DNAH5: variants seen among roughly 807,000 people sequenced by gnomAD.
DNAH5 encodes axonemal beta dynein heavy chain 5.
DNAH5 carries 372 observed loss-of-function variants against 518.2 expected under a neutral mutation model. The observed-to-expected ratio is 0.72, with a 90% CI of 0.66 to 0.78. The LOEUF (loss-of-function observed/expected upper bound fraction) is 0.78, where lower values mean the gene tolerates loss of function less well. Ranked by LOEUF, DNAH5 falls within the 30% of genes least tolerant of loss-of-function variation. DNAH5 has a pLI of 0.00. For synonymous variants in DNAH5, 2,039 were observed against 2,025.9 expected, an observed-to-expected ratio of 1.01 and a Z score of -0.17; for missense variants, 5,523 against 5,687.0, an observed-to-expected ratio of 0.97 and a Z score of 0.93.
intron 65 of DNAH5, among the ~76,000 whole-genome samples, chr5:13,741,886 C>T (rs1024426866): frequency 1.3e-5 from 2 of 152,122 alleles, no homozygotes; most frequent in African/African-American, 4.8e-5. Flanking sequence ...TCAGTATTTT[C>T]ATCCACAAAA....
At chr5:13,787,287 A>G (rs1406756011) in intron 51 of DNAH5, among the ~76,000 whole-genome samples, 1 of 152,136 alleles carries the variant, frequency 6.6e-6, no homozygotes, top group East Asian at 1.9e-4. Context: ...AGTAATAGGG[A>G]AAAAAGGGAC....
At chr5:13,833,318 A>T (rs2151843612) in intron 35 of DNAH5, among the ~76,000 whole-genome samples, 1 of 152,068 alleles carries the variant, frequency 6.6e-6, no homozygotes, top group East Asian at 1.9e-4. Flanking sequence ...ACACGCCTGT[A>T]ATCCAAGCTA....
intron 1 of DNAH5, among the ~76,000 whole-genome samples, chr5:13,981,283 T>A (rs567260465): frequency 2.6e-5 from 4 of 152,204 alleles, no homozygotes; most frequent in Non-Finnish European, 5.9e-5. Flanking sequence ...AGGAAACACA[T>A]TTCTGAAGAA....
chr5:13,885,235 C>G lies in DNAH5; in HGVS notation c.2744-7G>C, dbSNP rs752084447. 11 of 1,613,648 alleles carry G rather than the reference C, an allele frequency of 6.8e-6. No individual in the cohort carries two copies. Among genetic ancestry groups the G allele is most frequent in the Non-Finnish European group, 1.7e-6 (2 of 1,179,900 alleles). On this transcript the variant is annotated splice_polypyrimidine_tract_variant and splice_region_variant and intron_variant, in intron 18 of 78. Coordinates refer to ENST00000265104, the MANE Select transcript of DNAH5 (RefSeq NM_001369.3). ...TTTCCTTCTTCTCTTTTTGCTGTTA[C>G]AAGATGAAAGAGATAGAGATAGAGA...
At chr5:13,735,999 T>C (rs1747352119) in intron 66 of DNAH5, 67 bp from the exon 67 acceptor site, 2 of 1,307,874 alleles carry the variant, frequency 1.5e-6, no homozygotes, top group Admixed American at 1.7e-5. Context: ...TGCAAAGAGA[T>C]CAGCCTAAAC....
chr5:13,836,272 T>C (rs1200657491), intron 35 of DNAH5, among the ~76,000 whole-genome samples: 2 of 152,004 alleles, frequency 1.3e-5, no homozygotes, highest in African/African-American at 4.8e-5. Context: ...CATAGGCAAA[T>C]AGGTATGTGT....
intron 8 of DNAH5, 32 bp from the exon 9 acceptor site, chr5:13,916,487 A>G (rs747476238): frequency 3.1e-6 from 4 of 1,285,832 alleles, no homozygotes; most frequent in Middle Eastern, 2.3e-4. Flanking sequence ...TTCAGAAAAA[A>G]TCATCAAATT....
intron 21 of DNAH5, among the ~76,000 whole-genome samples, chr5:13,880,702 G>C (rs1176020503): frequency 6.7e-6 from 1 of 148,492 alleles, no homozygotes; most frequent in Non-Finnish European, 1.5e-5. Flanking sequence ...ATACATAAAA[G>C]AAAAAAAAAG....
intron 12 of DNAH5, among the ~76,000 whole-genome samples, chr5:13,905,169 T>C (rs984472139): frequency 6.6e-6 from 1 of 152,166 alleles, no homozygotes; most frequent in Non-Finnish European, 1.5e-5. Context: ...ATACACAGAT[T>C]TTTAGAAACC....
rs1176435307 is a variant in DNAH5, at chr5:13,751,148, A to G, written c.11141T>C (p.Ile3714Thr). 5.6e-6 allele frequency: 9 copies of G among 1,613,898 alleles called. No individual in the cohort carries two copies. Among genetic ancestry groups the G allele is most frequent in the South Asian group, 3.3e-5 (3 of 91,092 alleles). ...ACCTTTCATGGTGACAGTGAAGTCA[A>G]TGATGGAGGTACGGGCACTTATCTC... is the stretch of plus-strand genomic sequence containing the variant. ...TPEISARTSI[I>T]DFTVTMKGLE... The change falls in exon 65 of 79, where the codon ATT becomes ACT. Residue 3714 changes from isoleucine (I) to threonine (T), a missense_variant. Coordinates refer to ENST00000265104, the MANE Select transcript of DNAH5 (RefSeq NM_001369.3).
chr5:13,865,142 G>A (rs1215322518), intron 27 of DNAH5, among the ~76,000 whole-genome samples: 1 of 151,064 alleles, frequency 6.6e-6, no homozygotes, highest in Admixed American at 6.6e-5. Context: ...TTACAGGTAC[G>A]TGCCGCCATG....
At chr5:13,887,294 C>T (rs1772567316) in intron 17 of DNAH5, among the ~76,000 whole-genome samples, 1 of 152,134 alleles carries the variant, frequency 6.6e-6, no homozygotes, top group Admixed American at 6.5e-5. Flanking sequence ...TAATATAGTT[C>T]CAACAACGTT....
At chr5:13,794,371 C>T (rs1413670733) in intron 47 of DNAH5, among the ~76,000 whole-genome samples, 1 of 152,162 alleles carries the variant, frequency 6.6e-6, no homozygotes, top group African/African-American at 2.4e-5. Context: ...ACTATGTTCC[C>T]CATTATTCAA....
chr5:13,752,418 G>A, intron 63 of DNAH5, 129 bp from the exon 64 acceptor site: 1 of 1,139,370 alleles, frequency 8.8e-7, no homozygotes, highest in Non-Finnish European at 1.3e-6. Context: ...CATCCAAAAT[G>A]TTCCCAAATA....
In DNAH5 at chr5:13,859,508, A is replaced by G; in HGVS notation, c.4894T>C (p.Trp1632Arg). 1 of 1,614,076 alleles carries G rather than the reference A, an allele frequency of 6.2e-7. No individual in the cohort carries two copies. The highest frequency in any genetic ancestry group is 1.1e-5 in the South Asian group (1 of 91,070). Reference sequence around the variant, plus strand: ...ACAAAGACAGCTTCTAAATAAATCCACAGGTTTTGCACCGTCATCCAGCTC... The same window carrying G: ...ACAAAGACAGCTTCTAAATAAATCCGCAGGTTTTGCACCGTCATCCAGCTC... Reference protein sequence around the residue: ...IESWMTVQNLWIYLEAVFVGG... With the variant: ...IESWMTVQNLRIYLEAVFVGG... The change falls in exon 30 of 79, where the codon TGG becomes CGG. Residue 1632 changes from tryptophan (W) to arginine (R), a missense_variant. Trp to Arg is a moderately radical substitution (Grantham distance 101). Coordinates refer to ENST00000265104, the MANE Select transcript of DNAH5 (RefSeq NM_001369.3).
Position 13,922,181 on chromosome 5 carries a change from G to A in DNAH5, c.586C>T (p.Arg196Cys), listed in dbSNP as rs200314274. The part of the protein sequence containing the change: ...LEGLQDAANI[R>C]QEFLSSLEGF... Reference sequence around the variant, plus strand: ...TCCAGGGAGCTCAAGAACTCCTGGCGAATGTTAGCTGCGTCCTGAAGGCCC... The same window carrying A: ...TCCAGGGAGCTCAAGAACTCCTGGCAAATGTTAGCTGCGTCCTGAAGGCCC... The change falls in exon 5 of 79, where the codon CGC (arginine) becomes TGC (cysteine). Residue 196 changes from arginine (R) to cysteine (C), a missense_variant. Transcript: ENST00000265104. The A allele has an allele frequency of 2.9e-5, 47 of 1,614,024 alleles. No homozygotes were observed. Among genetic ancestry groups the A allele is most frequent in the Middle Eastern group, 1.6e-4 (1 of 6,062 alleles).
Position 13,877,002 on chromosome 5 carries a change from C to T in DNAH5, c.3263-185G>A, listed in dbSNP as rs577478463. ...TCAGGACTCTGTAAATTAATCAAAGCTTGCAATAATCCAAAAAGTGTTTAT... is the reference window on the plus strand; with the variant it reads ...TCAGGACTCTGTAAATTAATCAAAGTTTGCAATAATCCAAAAAGTGTTTAT... On this transcript the variant is annotated intron_variant, in intron 21 of 78. Coordinates refer to ENST00000265104, the MANE Select transcript of DNAH5 (RefSeq NM_001369.3). Among the ~76,000 whole-genome samples the T allele has an allele frequency of 1.8e-4, 27 of 151,756 alleles. 1 individual carries two copies. The highest frequency in any genetic ancestry group is 6.6e-4 in the African/African-American group (27 of 41,012).
At chr5:13,708,956 T>A (rs1009767117) in intron 75 of DNAH5, among the ~76,000 whole-genome samples, 1 of 152,266 alleles carries the variant, frequency 6.6e-6, no homozygotes, top group Non-Finnish European at 1.5e-5. Flanking sequence ...TTTATTTATG[T>A]AGTTATCATT....
chr5:13,741,131 A>G (rs1748466455), intron 65 of DNAH5, among the ~76,000 whole-genome samples: 3 of 152,194 alleles, frequency 2.0e-5, no homozygotes, highest in Admixed American at 6.6e-5. Flanking sequence ...GAAATGCTCA[A>G]TCTCTGAAAA....
Sources: allele counts gnomAD v4.1 joint callset (sites outside exome capture counted in the v4.1 genomes callset), GRCh38; gene constraint gnomAD v4.1.1; transcripts MANE v1.5; gene names NCBI Gene and HGNC (gene_info 2026-07-23, HGNC 2026-07-21).